The following FSD1 variants were observed in gnomAD, a reference collection of about 807,000 sequenced individuals.
FSD1 encodes fibronectin type III and SPRY domain containing 1.
Under a neutral mutation model 58.2 loss-of-function variants are expected in FSD1, and 23 were observed. That is an observed-to-expected ratio of 0.40 (90% CI 0.28 to 0.56). The LOEUF is 0.56. Ranked by LOEUF, FSD1 falls within the 20% of genes least tolerant of loss-of-function variation. The probability of loss-of-function intolerance (pLI) is 0.54; values close to 1 mark genes in which losing one functional copy is unlikely to be tolerated. For synonymous variants in FSD1, 265 were observed against 263.4 expected, an observed-to-expected ratio of 1.01 and a Z score of -0.06; for missense variants, 563 against 670.8, an observed-to-expected ratio of 0.84 and a Z score of 1.78.
intron 7 of FSD1, among the ~76,000 whole-genome samples, chr19:4,314,463 C>T (rs555688508): frequency 2.0e-5 from 3 of 150,800 alleles, no homozygotes; most frequent in South Asian, 2.1e-4. Flanking sequence ...GAAATGGACA[C>T]GGGTGCAGTG....
rs769995197 is a variant in FSD1 at position 4,323,586 on chromosome 19, G to C, written c.1434G>C (p.Val478=). 6.2e-7 allele frequency: 1 copy of C among 1,613,106 alleles called. No individual in the cohort carries two copies. Among genetic ancestry groups the C allele is most frequent in the Admixed American group, 1.7e-5 (1 of 59,924 alleles). The change falls in exon 13 of 13, where the codon GTG becomes GTC. Residue 478 remains valine, a synonymous_variant. Transcript: ENST00000221856. This position sits in a 1 kb window ranked among gnomAD's most constrained non-coding sequence, Gnocchi z 7.7. ...CAGGCCTGCAGGTCCCCAGTGCTGTGCGCTGCCTGCAAAAGCGAGGCAGTG... is the reference window on the plus strand; with the variant it reads ...CAGGCCTGCAGGTCCCCAGTGCTGTCCGCTGCCTGCAAAAGCGAGGCAGTG... ...VTTGLQVPSA[V]RCLQKRGSAT... is the part of the protein sequence containing the mutation.
rs1380368426 is a variant in FSD1 at position 4,318,357 on chromosome 19, C to T, written c.811C>T (p.Arg271Cys). 1.7e-5 allele frequency: 28 copies of T among 1,613,734 alleles called. No individual in the cohort carries two copies. The highest frequency in any genetic ancestry group is 1.2e-4 in the African/African-American group (9 of 74,890). The change falls in exon 9 of 13, where the codon CGC (arginine) becomes TGC (cysteine). Residue 271 changes from arginine (R) to cysteine (C), a missense_variant. Coordinates refer to ENST00000221856, the MANE Select transcript of FSD1 (RefSeq NM_024333.3). Reference protein sequence around the residue: ...VTLETPAFMFRLDASTSHQNL... With the variant: ...VTLETPAFMFCLDASTSHQNL... ...CTGCCCGGCCCCAGCGTTCATGTTC[C>T]GCCTGGATGCGTCCACATCCCACCA...
At chr19:4,306,830 C>T (rs931528332) in intron 3 of FSD1, among the ~76,000 whole-genome samples, 1 of 152,110 alleles carries the variant, frequency 6.6e-6, no homozygotes, top group Non-Finnish European at 1.5e-5. Flanking sequence ...CCTGTCTTCA[C>T]TCAGTGCCTC....
At chr19:4,320,852 C>T (rs975061509) in intron 10 of FSD1, among the ~76,000 whole-genome samples, 1 of 125,338 alleles carries the variant, frequency 8.0e-6, no homozygotes, top group African/African-American at 3.2e-5. Context: ...TGAGGAGTGT[C>T]TGGAGGGGAA....
chr19:4,312,190 C>G, intron 7 of FSD1, 139 bp downstream of exon 7: 1 of 727,288 alleles, frequency 1.4e-6, no homozygotes, highest in South Asian at 1.8e-5. Context: ...GGAGGTGGAT[C>G]AGAAATATGA....
At chr19:4,314,654 T>C (rs747183266) in intron 7 of FSD1, among the ~76,000 whole-genome samples, 1 of 152,118 alleles carries the variant, frequency 6.6e-6, no homozygotes, top group Non-Finnish European at 1.5e-5. Context: ...GCCTGGCTAA[T>C]TTTTGTATTT....
intron 10 of FSD1, among the ~76,000 whole-genome samples, chr19:4,319,357 A>G (rs914149463): frequency 5.9e-5 from 9 of 152,142 alleles, no homozygotes; most frequent in Non-Finnish European, 1.0e-4. Context: ...TTGGGGGATC[A>G]CCTGAGGGTA....
chr19:4,323,182 G>T lies in FSD1; in HGVS notation c.1236G>T (p.Lys412Asn). 1 of 1,604,840 alleles carries T rather than the reference G, an allele frequency of 6.2e-7. No homozygotes were observed. Reference sequence around the variant, plus strand: ...CGGCCAAGCACGCCAACAAGGTCAAGGTGCTGGACGCCCCCGTGCCCGACT... The same window carrying T: ...CGGCCAAGCACGCCAACAAGGTCAATGTGCTGGACGCCCCCGTGCCCGACT... ...SFTAKHANKV[K>N]VLDAPVPDCL... The change falls in exon 11 of 13, where the codon AAG (lysine) becomes AAT (asparagine). Residue 412 changes from lysine to asparagine, a missense_variant. Coordinates refer to ENST00000221856, the MANE Select transcript of FSD1 (RefSeq NM_024333.3). The surrounding 1 kb of genome is among the most constrained non-coding windows in gnomAD (Gnocchi z 7.7).
chr19:4,319,190 C>A (rs950476621), intron 10 of FSD1, among the ~76,000 whole-genome samples: 1 of 152,224 alleles, frequency 6.6e-6, no homozygotes, highest in Non-Finnish European at 1.5e-5. Flanking sequence ...AGTGCCTGGG[C>A]AGGAGCTTGG....
At chr19:4,321,604 G>T (rs1193797729) in intron 10 of FSD1, among the ~76,000 whole-genome samples, 1 of 150,890 alleles carries the variant, frequency 6.6e-6, no homozygotes. Flanking sequence ...TCAAGCCAGA[G>T]AAGTATCTGG....
intron 1 of FSD1, among the ~76,000 whole-genome samples, chr19:4,304,991 AC>A (rs1971601283): frequency 1.6e-5 from 1 of 61,928 alleles, no homozygotes; most frequent in African/African-American, 6.4e-5. Context: ...ACGCCCCCCC[AC>A]CCTGCCCAGT....
At chr19:4,316,046 C>G (rs569757337) in intron 7 of FSD1, among the ~76,000 whole-genome samples, 210 of 150,676 alleles carry the variant, frequency 1.4e-3, no homozygotes, top group African/African-American at 5.0e-3. Flanking sequence ...GGATTACAGG[C>G]GTGAGCCACC....
intron 3 of FSD1, among the ~76,000 whole-genome samples, chr19:4,306,738 G>GC (rs150902118): frequency 0.18 from 27,333 of 151,910 alleles, 2,949 homozygotes; most frequent in African/African-American, 0.29. Flanking sequence ...ACAGGCATGA[G>GC]CCCCCGCGCC....
At chr19:4,306,512 G>T (rs1170713798) in intron 3 of FSD1, among the ~76,000 whole-genome samples, 183 bp downstream of exon 3, 2 of 151,722 alleles carry the variant, frequency 1.3e-5, no homozygotes, top group African/African-American at 4.8e-5. Flanking sequence ...CTGTCGCCCA[G>T]GCTGGAGTGC....
chr19:4,312,681 T>C (rs1183704760), intron 7 of FSD1, among the ~76,000 whole-genome samples: 1 of 151,764 alleles, frequency 6.6e-6, no homozygotes, highest in Non-Finnish European at 1.5e-5. Flanking sequence ...GGTGTGCACC[T>C]GTAGTCCCAG....
intron 7 of FSD1, among the ~76,000 whole-genome samples, chr19:4,314,745 C>T (rs953474072): frequency 2.0e-4 from 30 of 152,332 alleles, no homozygotes; most frequent in Admixed American, 1.5e-3. Context: ...CCTCGGCCTC[C>T]CAGTGCTGGG....
intron 5 of FSD1, 74 bp downstream of exon 5, chr19:4,310,369 T>C: frequency 6.2e-7 from 1 of 1,609,830 alleles, no homozygotes; most frequent in East Asian, 2.2e-5. Flanking sequence ...CTGGTGAGGG[T>C]GTCTCATCTC....
chr19:4,315,607 CT>C lies in FSD1; in HGVS notation c.701-1554del, dbSNP rs1302777132. 8.6e-3 allele frequency among the ~76,000 whole-genome samples: 803 copies of C among 93,768 alleles called. 2 individuals are homozygous for C. The highest frequency in any genetic ancestry group is 0.03 in the African/African-American group (730 of 24,046). 61.5% of individuals were successfully genotyped at this position (93,768 alleles called of 152,430 possible). On this transcript the variant is annotated intron_variant, in intron 7 of 12. Coordinates refer to ENST00000221856, the MANE Select transcript of FSD1 (RefSeq NM_024333.3). Reference sequence around the variant, plus strand: ...ACAGGCGTGAGCCACCGTGCCTGGCCTTTTTTTTTTTTTTTTTTTTTGAGTT... The same window carrying C: ...ACAGGCGTGAGCCACCGTGCCTGGCCTTTTTTTTTTTTTTTTTTTTGAGTT...
chr19:4,313,901 G>C (rs1194778983), intron 7 of FSD1, among the ~76,000 whole-genome samples: 1 of 151,924 alleles, frequency 6.6e-6, no homozygotes, highest in African/African-American at 2.4e-5. Flanking sequence ...GGTGGCGGAT[G>C]CCTGTAGTCC....
Sources: gnomAD v4.1 joint callset for allele counts (sites outside exome capture counted in the v4.1 genomes callset) on GRCh38, gnomAD v4.1.1 for gene constraint, Gnocchi (gnomAD v3.1) non-coding constraint, MANE v1.5 for transcripts, NCBI Gene and HGNC (gene_info 2026-07-23, HGNC 2026-07-21) for gene names.